Variants in LPP observed in about 807,000 individuals in gnomAD.
The protein encoded by LPP is LIM domain containing preferred translocation partner in lipoma.
LPP carries 38 observed loss-of-function variants against 60.4 expected under a neutral mutation model. That is an observed-to-expected ratio of 0.63 (90% CI 0.49 to 0.83). LPP has a LOEUF of 0.83. Among genes scored for constraint, LPP ranks in the 40% least tolerant of loss-of-function variants. The pLI is 0.00. For missense variants in LPP, 902 were observed against 783.6 expected (o/e 1.15, Z -1.80); for synonymous variants, 328 against 290.8 (o/e 1.13, Z -1.30).
Position 188,871,356 on chromosome 3 carries a change from C to A in LPP, c.1590-1287C>A, listed in dbSNP as rs187353392. On this transcript the variant is annotated intron_variant, in intron 10 of 11. Transcript: ENST00000617246. ...TTCTTGCATAAAATACCAATTATAA[C>A]AACTCTGATTACTGCTGCAGTGGTA... is the stretch of plus-strand genomic sequence containing the variant. Among the ~76,000 whole-genome samples, 24 of 152,300 alleles carry A rather than the reference C, an allele frequency of 1.6e-4. No homozygotes were observed. The East Asian group carries it at 4.0e-3, about 26-fold the overall frequency.
chr3:188,813,538 G>C (rs1395013561), intron 9 of LPP, among the ~76,000 whole-genome samples: 2 of 152,162 alleles, frequency 1.3e-5, no homozygotes, highest in African/African-American at 4.8e-5. Context: ...CACTACTCGT[G>C]TTTATTCATT....
intron 2 of LPP, among the ~76,000 whole-genome samples, chr3:188,279,855 C>T (rs1741308969): frequency 6.6e-6 from 1 of 152,212 alleles, no homozygotes; most frequent in African/African-American, 2.4e-5. Flanking sequence ...CCCTTTGAAT[C>T]ATTCCTCTAA....
intron 6 of LPP, among the ~76,000 whole-genome samples, chr3:188,536,230 A>G (rs1823578851): frequency 6.6e-6 from 1 of 152,048 alleles, no homozygotes; most frequent in Non-Finnish European, 1.5e-5. Context: ...GGTGGCCTCG[A>G]ACTCCCGACC....
chr3:188,250,794 C>CTTTCTTTCTTTCTT (rs1553835809), intron 2 of LPP, among the ~76,000 whole-genome samples: 6 of 114,126 alleles, frequency 5.3e-5, no homozygotes, highest in African/African-American at 2.3e-4. Flanking sequence ...TTCTGTCTTT[C>CTTTCTTTCTTTCTT]TCTTTCTTTC....
chr3:188,738,429 A>G (rs1723265547), intron 8 of LPP, among the ~76,000 whole-genome samples: 1 of 152,194 alleles, frequency 6.6e-6, no homozygotes, highest in African/African-American at 2.4e-5. Flanking sequence ...TAAGTAACAG[A>G]GCCAAATTTT....
At chr3:188,636,648 A>G (rs1334437951) in intron 7 of LPP, among the ~76,000 whole-genome samples, 2 of 152,174 alleles carry the variant, frequency 1.3e-5, no homozygotes, top group Non-Finnish European at 2.9e-5. Flanking sequence ...CTGCAGACTT[A>G]AATGTCCCTG....
At chr3:188,660,930 T>A (rs1854440418) in intron 7 of LPP, among the ~76,000 whole-genome samples, 1 of 152,164 alleles carries the variant, frequency 6.6e-6, no homozygotes, top group African/African-American at 2.4e-5. Context: ...TGTGTAGCAT[T>A]TATTTCCCGT....
At chr3:188,529,293 C>G (rs1484668208) in intron 6 of LPP, among the ~76,000 whole-genome samples, 1 of 152,124 alleles carries the variant, frequency 6.6e-6, no homozygotes, top group Middle Eastern at 3.2e-3. Flanking sequence ...GAAATGTAGA[C>G]CGTTAATGCC....
At chr3:188,173,771 C>T (rs1722301645) in intron 1 of LPP, among the ~76,000 whole-genome samples, 1 of 152,036 alleles carries the variant, frequency 6.6e-6, no homozygotes, top group Non-Finnish European at 1.5e-5. Context: ...ACTGAGGCCC[C>T]CAAAAGTGAA....
At chr3:188,776,492 A>T (rs1198998925) in intron 9 of LPP, among the ~76,000 whole-genome samples, 1 of 150,970 alleles carries the variant, frequency 6.6e-6, no homozygotes, top group Non-Finnish European at 1.5e-5. Flanking sequence ...AGGTAAAAAA[A>T]TACCTTCAGG....
At position 188,875,878 on chromosome 3, in the gene LPP, C is replaced by A. The variant is rs1578108432; in HGVS notation, c.*1399C>A. ...CACCTAGCTTAGTCATGGCAAGTTG[C>A]CATTTTGTAAACTAAGGATTTTGGA... On this transcript the variant is annotated 3_prime_UTR_variant, in exon 12 of 12. Coordinates refer to ENST00000617246, the MANE Select transcript of LPP (RefSeq NM_001375462.1). 2.6e-5 allele frequency: 5 copies of A among 189,200 alleles called. No individual in the cohort carries two copies. In the East Asian group the frequency reaches 4.3e-4, roughly 16 times the overall value. The allele number at this position is 189,200 out of a possible 1,614,324, so 11.7% of individuals were successfully genotyped here.
chr3:188,831,434 C>A (rs922245330), intron 9 of LPP, among the ~76,000 whole-genome samples: 2 of 152,152 alleles, frequency 1.3e-5, no homozygotes, highest in African/African-American at 4.8e-5. Flanking sequence ...TGGTCTGAGC[C>A]AACCAGGTCT....
chr3:188,874,294 C>T, intron 11 of LPP, 57 bp from the exon 12 acceptor site: 1 of 1,544,318 alleles, frequency 6.5e-7, no homozygotes, highest in East Asian at 2.3e-5. Context: ...TGATGTTCTC[C>T]ACATGTGTAC....
At chr3:188,372,315 T>C (rs1773518825) in intron 3 of LPP, among the ~76,000 whole-genome samples, 1 of 152,140 alleles carries the variant, frequency 6.6e-6, no homozygotes, top group Admixed American at 6.5e-5. Flanking sequence ...CCTTACTATA[T>C]AGATTTGTTA....
chr3:188,545,909 T>C (rs1046279398), intron 6 of LPP, among the ~76,000 whole-genome samples: 2 of 152,130 alleles, frequency 1.3e-5, no homozygotes, highest in African/African-American at 2.4e-5. Context: ...CCAGACAAGT[T>C]TGTGGGCAAG....
At chr3:188,250,780 T>TTCTGTCTTTCTTTC (rs1296414630) in intron 2 of LPP, among the ~76,000 whole-genome samples, 1 of 93,708 alleles carries the variant, frequency 1.1e-5, no homozygotes, top group African/African-American at 4.4e-5. Context: ...CTTTCTTTCT[T>TTCTGTCTTTCTTTC]TCTTTCTGTC....
At chr3:188,829,235 G>A (rs1403301712) in intron 9 of LPP, among the ~76,000 whole-genome samples, 4 of 152,102 alleles carry the variant, frequency 2.6e-5, no homozygotes, top group East Asian at 3.9e-4. Flanking sequence ...GCCTCTCCTC[G>A]CCTATTAATC....
intron 2 of LPP, among the ~76,000 whole-genome samples, chr3:188,283,607 A>G (rs1268247008): frequency 1.3e-5 from 2 of 152,170 alleles, no homozygotes; most frequent in East Asian, 1.9e-4. Context: ...TATGCTATAT[A>G]TTAGGTAGAA....
chr3:188,798,888 G>A (rs1274174661), intron 9 of LPP, among the ~76,000 whole-genome samples: 1 of 152,210 alleles, frequency 6.6e-6, no homozygotes, highest in Non-Finnish European at 1.5e-5. Flanking sequence ...ACTTGCTGGT[G>A]AATTTTCTTG....
Sources: allele counts gnomAD v4.1 joint callset (sites outside exome capture counted in the v4.1 genomes callset), GRCh38; gene constraint gnomAD v4.1.1; transcripts MANE v1.5; gene names NCBI Gene and HGNC (gene_info 2026-07-23, HGNC 2026-07-21).